Variants in TMEM63B observed in about 807,000 individuals in gnomAD.
The protein encoded by TMEM63B is transmembrane protein 63B.
TMEM63B carries 23 observed loss-of-function variants against 102.6 expected under a neutral mutation model. That is an observed-to-expected ratio of 0.22 (90% CI 0.16 to 0.32). The LOEUF (loss-of-function observed/expected upper bound fraction) is 0.32, where lower values mean the gene tolerates loss of function less well. Among genes scored for constraint, TMEM63B ranks in the 10% least tolerant of loss-of-function variants. TMEM63B has a pLI of 1.00. For missense variants in TMEM63B, 628 were observed against 1,095.9 expected (o/e 0.57, Z 6.03); for synonymous variants, 444 against 437.0 (o/e 1.02, Z -0.20).
At chr6:44,149,501 C>T (rs115214625) in intron 15 of TMEM63B, among the ~76,000 whole-genome samples, 2,215 of 152,266 alleles carry the variant, frequency 0.015, 42 homozygotes, top group African/African-American at 0.05. Context: ...GATTCAAATC[C>T]CTACCTCATG....
chr6:44,132,740 G>A (rs1370250764), intron 1 of TMEM63B, among the ~76,000 whole-genome samples: 1 of 152,006 alleles, frequency 6.6e-6, no homozygotes, highest in Non-Finnish European at 1.5e-5. Flanking sequence ...CTGGACACAG[G>A]TCCACACATC....
Position 44,155,057 on chromosome 6 carries a change from G to A in TMEM63B, c.*174G>A, listed in dbSNP as rs1450865452. The A allele has an allele frequency of 6.3e-6, 4 of 630,100 alleles. No individual in the cohort carries two copies. Among genetic ancestry groups the A allele is most frequent in the Non-Finnish European group, 7.4e-6 (3 of 406,868 alleles). The allele number at this position is 630,100 out of a possible 1,614,324, so 39.0% of individuals were successfully genotyped here. On this transcript the variant is annotated 3_prime_UTR_variant, in exon 24 of 24. Coordinates refer to ENST00000323267, the MANE Select transcript of TMEM63B (RefSeq NM_018426.3). ...CTCTCCCCCATGATGGAGGGAGGGA[G>A]CCCCCCAACCTCAGTGAGGAGAGCC...
chr6:44,143,019 GAAAGT>G (rs762394967), intron 10 of TMEM63B, among the ~76,000 whole-genome samples: 12 of 152,304 alleles, frequency 7.9e-5, no homozygotes, highest in Non-Finnish European at 1.6e-4. Context: ...AAAAAAGAAA[GAAAGT>G]AAAGAATCAA....
chr6:44,149,709 T>A, intron 15 of TMEM63B, 150 bp from the exon 16 acceptor site: 10 of 617,474 alleles, frequency 1.6e-5, no homozygotes, highest in East Asian at 2.8e-5. Context: ...GCCCCCACCC[T>A]CACCCCAGCC....
rs1765870217 is a variant in TMEM63B at position 44,148,403 on chromosome 6, C to G, written c.1121+18C>G. 2 of 1,614,198 alleles carry G rather than the reference C, an allele frequency of 1.2e-6. No homozygotes were observed. The highest frequency in any genetic ancestry group is 1.7e-6 in the Non-Finnish European group (2 of 1,179,998). Reference sequence around the variant, plus strand: ...ACCGCCATGTGAGTCCCCAACTCGGCCCTCGGCCCTGAGCAGCCCTCCAGG... The same window carrying G: ...ACCGCCATGTGAGTCCCCAACTCGGGCCTCGGCCCTGAGCAGCCCTCCAGG... On this transcript the variant is annotated intron_variant, in intron 13 of 23. Coordinates refer to ENST00000323267, the MANE Select transcript of TMEM63B (RefSeq NM_018426.3). The surrounding 1 kb of genome is among the most constrained non-coding windows in gnomAD (Gnocchi z 5.1).
Position 44,152,717 on chromosome 6 carries a change from G to C in TMEM63B, c.1942+19G>C, listed in dbSNP as rs1766998706. ...CCCTTCGGTAGGCACCGCCGCGCCG[G>C]GACCTGGGCCCTGCTCGGGGGGACC... On this transcript the variant is annotated intron_variant, in intron 20 of 23. Coordinates refer to ENST00000323267, the MANE Select transcript of TMEM63B (RefSeq NM_018426.3). The surrounding 1 kb of genome is among the most constrained non-coding windows in gnomAD (Gnocchi z 6.4). 1 of 1,593,842 alleles carries C rather than the reference G, an allele frequency of 6.3e-7. No homozygotes were observed. The highest frequency in any genetic ancestry group is 1.3e-5 in the African/African-American group (1 of 74,700).
chr6:44,153,982 G>A, intron 21 of TMEM63B, 91 bp from the exon 22 acceptor site: 2 of 1,555,304 alleles, frequency 1.3e-6, no homozygotes, highest in Non-Finnish European at 1.8e-6. Context: ...TAGCACCTGG[G>A]AGAGTGAGGA....
chr6:44,148,813 C>A lies in TMEM63B; in HGVS notation c.1281C>A (p.Gly427=). 1 of 1,614,174 alleles carries A rather than the reference C, an allele frequency of 6.2e-7. No individual in the cohort carries two copies. Among genetic ancestry groups the A allele is most frequent in the Admixed American group, 1.7e-5 (1 of 60,026 alleles). The stretch of plus-strand genomic sequence containing the variant: ...CCAGGGAGCACCTCTCCATCCGAGG[C>A]TTCATCTGGTGGCTGCGCTGCCTGG... ...NIYWEHLSIR[G]FIWWLRCLVI... Residue 427 remains glycine (G), a synonymous_variant, in exon 15 of 24, where the codon GGC becomes GGA. Coordinates refer to ENST00000323267, the MANE Select transcript of TMEM63B (RefSeq NM_018426.3). This position sits in a 1 kb window ranked among gnomAD's most constrained non-coding sequence, Gnocchi z 5.1.
At chr6:44,149,765 A>T in intron 15 of TMEM63B, 94 bp from the exon 16 acceptor site, 1 of 984,336 alleles carries the variant, frequency 1.0e-6, no homozygotes, top group Non-Finnish European at 1.5e-6. Context: ...GAGAGTTGTG[A>T]GGCCAAGGGC....
chr6:44,143,720 G>A (rs768775066), intron 10 of TMEM63B, among the ~76,000 whole-genome samples: 5 of 152,190 alleles, frequency 3.3e-5, no homozygotes, highest in East Asian at 1.9e-4. Context: ...GACAGGGACC[G>A]GATGAACTAG....
intron 3 of TMEM63B, 111 bp downstream of exon 3, chr6:44,135,207 G>GA (rs1762679448): frequency 6.4e-7 from 1 of 1,571,048 alleles, no homozygotes; most frequent in African/African-American, 1.4e-5. Flanking sequence ...GGGGGGATGA[G>GA]AAGGGACTAG....
intron 5 of TMEM63B, 111 bp from the exon 6 acceptor site, chr6:44,138,369 G>T: frequency 3.0e-6 from 4 of 1,338,274 alleles, no homozygotes; most frequent in Non-Finnish European, 4.3e-6. Flanking sequence ...TTAGTGAGGG[G>T]TGTGGAAGCT....
chr6:44,145,693 T>C (rs778779316), intron 10 of TMEM63B, among the ~76,000 whole-genome samples: 1 of 152,142 alleles, frequency 6.6e-6, no homozygotes, highest in Admixed American at 6.5e-5. Flanking sequence ...GCCCACACTT[T>C]GGGAAGCTGA....
intron 10 of TMEM63B, among the ~76,000 whole-genome samples, chr6:44,144,788 G>A (rs1196329650): frequency 6.7e-6 from 1 of 149,558 alleles, no homozygotes; most frequent in Non-Finnish European, 1.5e-5. Flanking sequence ...TTTAGAGACA[G>A]GGTCTCACTA....
chr6:44,139,211 T>C (rs1284152468), intron 6 of TMEM63B, among the ~76,000 whole-genome samples: 1 of 152,172 alleles, frequency 6.6e-6, no homozygotes, highest in Non-Finnish European at 1.5e-5. Context: ...TATCTTTTCC[T>C]TCTAGCCCTC....
chr6:44,153,557 C>A, intron 20 of TMEM63B, 119 bp from the exon 21 acceptor site: 1 of 1,220,602 alleles, frequency 8.2e-7, no homozygotes. Context: ...GTCCTGGGGC[C>A]CGGGCAGGAG....
chr6:44,154,582 G>GC, intron 23 of TMEM63B, 110 bp from the exon 24 acceptor site: 1 of 1,444,316 alleles, frequency 6.9e-7, no homozygotes. Flanking sequence ...CTGGAGGGCT[G>GC]CCCCCGCCCC....
At chr6:44,153,628 G>A in intron 20 of TMEM63B, 48 bp from the exon 21 acceptor site, 1 of 1,585,560 alleles carries the variant, frequency 6.3e-7, no homozygotes, top group Non-Finnish European at 8.6e-7. Flanking sequence ...CACACAAAAG[G>A]TTCGGCAGCA....
At chr6:44,151,825 T>G (rs1394447830) in intron 18 of TMEM63B, 21 bp from the exon 19 acceptor site, 5 of 1,596,192 alleles carry the variant, frequency 3.1e-6, no homozygotes, top group Non-Finnish European at 4.3e-6. Context: ...GGTGCAGTGC[T>G]GGAGCACCTG....
Sources: gnomAD v4.1 joint callset for allele counts (sites outside exome capture counted in the v4.1 genomes callset) on GRCh38, gnomAD v4.1.1 for gene constraint, Gnocchi (gnomAD v3.1) non-coding constraint, MANE v1.5 for transcripts, NCBI Gene and HGNC (gene_info 2026-07-23, HGNC 2026-07-21) for gene names.